Variants in SAMHD1 observed in about 807,000 individuals in gnomAD.
SAMHD1 encodes deoxynucleoside triphosphate triphosphohydrolase SAMHD1.
Under a neutral mutation model 79.6 loss-of-function variants are expected in SAMHD1, and 54 were observed. The observed-to-expected ratio is 0.68, with a 90% CI of 0.55 to 0.85. SAMHD1 has a LOEUF of 0.85. Ranked by LOEUF, SAMHD1 falls within the 40% of genes least tolerant of loss-of-function variation. The probability of loss-of-function intolerance (pLI) is 0.00; values close to 1 mark genes in which losing one functional copy is unlikely to be tolerated. For synonymous variants in SAMHD1, 260 were observed against 264.1 expected (o/e 0.98, Z 0.15); for missense variants, 663 against 782.7 (o/e 0.85, Z 1.82).
chr20:36,897,532 C>G (rs1702995914), intron 15 of SAMHD1: 1 of 452,730 alleles, frequency 2.2e-6, no homozygotes, highest in African/African-American at 2.0e-5. Flanking sequence ...CTATGAATAA[C>G]CTTCCAGGGC....
intron 3 of SAMHD1, among the ~76,000 whole-genome samples, chr20:36,939,318 C>T (rs887309735): frequency 1.4e-5 from 2 of 142,064 alleles, no homozygotes; most frequent in Non-Finnish European, 1.5e-5. Context: ...GTAGGCCAGA[C>T]GTGTTGGCTC....
intron 11 of SAMHD1, among the ~76,000 whole-genome samples, chr20:36,906,369 T>C (rs1303379855): frequency 6.6e-6 from 1 of 152,124 alleles, no homozygotes; most frequent in Non-Finnish European, 1.5e-5. Context: ...ACCCTGGAGG[T>C]GGAGGTTGCA....
intron 11 of SAMHD1, among the ~76,000 whole-genome samples, chr20:36,909,675 C>A (rs1275042396): frequency 4.9e-5 from 5 of 101,090 alleles, no homozygotes; most frequent in South Asian, 4.3e-4. Flanking sequence ...CTGTCCACCC[C>A]CCTCCAAAAA....
At chr20:36,905,253 G>C in intron 12 of SAMHD1, 111 bp downstream of exon 12, 1 of 1,201,352 alleles carries the variant, frequency 8.3e-7, no homozygotes, top group Non-Finnish European at 1.2e-6. Flanking sequence ...GATTAAATGA[G>C]AATAAACGTA....
intron 11 of SAMHD1, among the ~76,000 whole-genome samples, chr20:36,908,828 G>A (rs984238836): frequency 7.2e-5 from 11 of 152,112 alleles, no homozygotes; most frequent in Non-Finnish European, 1.3e-4. Context: ...AGGAAGCTAC[G>A]GTAGAGTGAT....
chr20:36,922,918 A>C (rs2063514787), intron 6 of SAMHD1, among the ~76,000 whole-genome samples: 1 of 152,088 alleles, frequency 6.6e-6, no homozygotes, highest in African/African-American at 2.4e-5. Context: ...CAAAATGTTG[A>C]TATTACAACC....
Position 36,892,584 on chromosome 20 carries a change from A to C in SAMHD1, c.*348T>G, listed in dbSNP as rs1250083173. Reference sequence around the variant, plus strand: ...GGCAGGAGGGTCGCTTGAGCCCAGGAAAGTTCGAGTCCAAGCTGGGCAACA... The same window carrying C: ...GGCAGGAGGGTCGCTTGAGCCCAGGCAAGTTCGAGTCCAAGCTGGGCAACA... On this transcript the variant is annotated 3_prime_UTR_variant, in exon 16 of 16. Coordinates refer to ENST00000646673, the MANE Select transcript of SAMHD1 (RefSeq NM_015474.4). 1 of 317,954 alleles carries C rather than the reference A, an allele frequency of 3.1e-6. No individual in the cohort carries two copies. The highest frequency in any genetic ancestry group is 2.2e-5 in the African/African-American group (1 of 45,978). 19.7% of individuals were successfully genotyped at this position (317,954 alleles called of 1,614,324 possible).
At chr20:36,934,995 A>C (rs777845034) in intron 4 of SAMHD1, 34 bp downstream of exon 4, 1 of 1,608,220 alleles carries the variant, frequency 6.2e-7, no homozygotes, top group Non-Finnish European at 8.5e-7. Context: ...AAATACTTAA[A>C]AACTGCAAGT....
At chr20:36,920,565 A>G (rs532864108) in intron 6 of SAMHD1, among the ~76,000 whole-genome samples, 37 of 151,902 alleles carry the variant, frequency 2.4e-4, no homozygotes, top group Middle Eastern at 3.4e-3. Context: ...TCAACAGTAC[A>G]AGTTTGGCCA....
At chr20:36,907,130 G>A (rs2148361802) in intron 11 of SAMHD1, among the ~76,000 whole-genome samples, 1 of 150,950 alleles carries the variant, frequency 6.6e-6, no homozygotes, top group Admixed American at 6.6e-5. Flanking sequence ...CAGGTTCTGT[G>A]GCCTAGGCTG....
intron 6 of SAMHD1, among the ~76,000 whole-genome samples, chr20:36,919,794 A>G (rs113697434): frequency 2.0e-5 from 3 of 152,348 alleles, no homozygotes; most frequent in African/African-American, 7.2e-5. Context: ...GAATATTATA[A>G]GATCATGTAG....
At chr20:36,894,179 C>CACCCCCA (rs1339875560) in intron 15 of SAMHD1, 2 of 383,918 alleles carry the variant, frequency 5.2e-6, no homozygotes, top group Admixed American at 4.5e-5. Flanking sequence ...TAAATTTTTT[C>CACCCCCA]TGTTGAACTA....
At position 36,951,680 on chromosome 20, in the gene SAMHD1, T is replaced by A. The variant is rs1426426284; in HGVS notation, c.-37A>T. 1 of 1,610,492 alleles carries A rather than the reference T, an allele frequency of 6.2e-7. No homozygotes were observed. Among genetic ancestry groups the A allele is most frequent in the Non-Finnish European group, 8.5e-7 (1 of 1,179,818 alleles). On this transcript the variant is annotated 5_prime_UTR_variant, in exon 1 of 16. Coordinates refer to ENST00000646673, the MANE Select transcript of SAMHD1 (RefSeq NM_015474.4). Reference sequence around the variant, plus strand: ...GCGTCCGGCACAGCAGTCAAGAACCTCGGCGCCGGACCCGCGCGCAGGCGC... The same window carrying A: ...GCGTCCGGCACAGCAGTCAAGAACCACGGCGCCGGACCCGCGCGCAGGCGC...
At chr20:36,947,695 G>A (rs2063703571) in intron 1 of SAMHD1, among the ~76,000 whole-genome samples, 1 of 151,844 alleles carries the variant, frequency 6.6e-6, no homozygotes. Flanking sequence ...TTGAGACAGG[G>A]TTTTGCTTGT....
Position 36,935,137 on chromosome 20 carries a change from C to T in SAMHD1, c.401G>A (p.Arg134Gln), listed in dbSNP as rs767413799. ...TTGAAATTGAGGTGTATCAATGATT[C>T]GGACGAGGAGAGGGTGGAGCTCAAT... ...GHIELHPLLV[R>Q]IIDTPQFQRL... Residue 134 changes from arginine to glutamine, a missense_variant, in exon 4 of 16, where the codon CGA becomes CAA. Arg to Gln is a conservative substitution (Grantham distance 43, BLOSUM62 1). Transcript: ENST00000646673. The T allele has an allele frequency of 9.9e-6, 16 of 1,613,680 alleles. No individual in the cohort carries two copies. The highest frequency in any genetic ancestry group is 1.6e-4 in the Middle Eastern group (1 of 6,084).
chr20:36,947,549 GGGGT>G (rs368667679), intron 1 of SAMHD1, among the ~76,000 whole-genome samples: 3,779 of 60,636 alleles, frequency 0.062, 406 homozygotes, highest in African/African-American at 0.11. Flanking sequence ...ATTTGGAAGA[GGGGT>G]GTGTGTGTGT....
At chr20:36,893,221 T>C in intron 15 of SAMHD1, 155 bp from the exon 16 acceptor site, 1 of 876,246 alleles carries the variant, frequency 1.1e-6, no homozygotes, top group Non-Finnish European at 1.8e-6. Flanking sequence ...ACATATGCCC[T>C]GTGCTTGGGG....
At chr20:36,947,310 GGTGTGTGTGTGTGTGTGTGTGTGTGT>G (rs35061251) in intron 1 of SAMHD1, among the ~76,000 whole-genome samples, 1 of 85,092 alleles carries the variant, frequency 1.2e-5, no homozygotes, top group Non-Finnish European at 2.3e-5. Flanking sequence ...ATTTGGAAGA[GGTGTGTGTGTGTGTGTGTGTGTGTGT>G]GTGTGTGTGT....
In SAMHD1 at chr20:36,898,482, A is replaced by G; in HGVS notation, c.1566T>C (p.Cys522=). Residue 522 remains cysteine, a synonymous_variant, in exon 14 of 16, where the codon TGT becomes TGC. Coordinates refer to ENST00000646673, the MANE Select transcript of SAMHD1 (RefSeq NM_015474.4). Reference sequence around the variant, plus strand: ...TGATTGCTCTGTTGGGGGCAGTCTTACAATAGAAGCTAACATGATCAATTG... The same window carrying G: ...TGATTGCTCTGTTGGGGGCAGTCTTGCAATAGAAGCTAACATGATCAATTG... ...KNPIDHVSFY[C]KTAPNRAIRI... The G allele has an allele frequency of 6.2e-7, 1 of 1,614,074 alleles. No individual in the cohort carries two copies. Among genetic ancestry groups the G allele is most frequent in the South Asian group, 1.1e-5 (1 of 91,082 alleles).
Sources: gnomAD v4.1 joint callset for allele counts (sites outside exome capture counted in the v4.1 genomes callset) on GRCh38, gnomAD v4.1.1 for gene constraint, MANE v1.5 for transcripts, NCBI Gene and HGNC (gene_info 2026-07-23, HGNC 2026-07-21) for gene names.